PPEF2: variants seen among roughly 807,000 people sequenced by gnomAD.
PPEF2 encodes protein phosphatase with EF-hand domain 2.
PPEF2 carries 84 observed loss-of-function variants against 84.7 expected under a neutral mutation model. That is an observed-to-expected ratio of 0.99 (90% CI 0.83 to 1.19). The LOEUF is 1.19. PPEF2 is among the 50% of genes most tolerant of loss of function. The probability of loss-of-function intolerance (pLI) is 0.00; values close to 1 mark genes in which losing one functional copy is unlikely to be tolerated. For synonymous variants in PPEF2, 346 were observed against 345.2 expected, an observed-to-expected ratio of 1.00 and a Z score of -0.03; for missense variants, 924 against 937.5, an observed-to-expected ratio of 0.99 and a Z score of 0.19.
intron 10 of PPEF2, chr4:75,881,550 A>G (rs779052747): frequency 6.6e-6 from 1 of 152,264 alleles, no homozygotes; most frequent in East Asian, 1.9e-4. Context: ...AGTCTGGATG[A>G]CAGAGTGAGA....
At chr4:75,866,628 GTAAT>G (rs1452755248) in intron 14 of PPEF2, 4 of 426,140 alleles carry the variant, frequency 9.4e-6, no homozygotes, top group African/African-American at 6.0e-5. Context: ...CTGTTTGTCT[GTAAT>G]TCAAACTTAT....
intron 13 of PPEF2, among the ~76,000 whole-genome samples, chr4:75,870,274 G>A: frequency 6.6e-6 from 1 of 152,196 alleles, no homozygotes; most frequent in Non-Finnish European, 1.5e-5. Context: ...AGGGCTGGAT[G>A]AGGCTCAAAT....
intron 11 of PPEF2, among the ~76,000 whole-genome samples, chr4:75,873,585 T>C (rs945108662): frequency 6.6e-6 from 1 of 152,164 alleles, no homozygotes; most frequent in Non-Finnish European, 1.5e-5. Flanking sequence ...AAGCTCAATA[T>C]GTAAAACAGA....
At position 75,864,149 on chromosome 4, in the gene PPEF2, G is replaced by A. The variant is rs540107540; in HGVS notation, c.2008+291C>T. Reference sequence around the variant, plus strand: ...CAGCCTCCCAAAGTGCTGGGATTAAGGCAGGAGCCACCATGTCCAGAGGAT... The same window carrying A: ...CAGCCTCCCAAAGTGCTGGGATTAAAGCAGGAGCCACCATGTCCAGAGGAT... On this transcript the variant is annotated intron_variant, in intron 16 of 16. Transcript: ENST00000286719. Among the ~76,000 whole-genome samples, 7 of 152,186 alleles carry A rather than the reference G, an allele frequency of 4.6e-5. No individual in the cohort carries two copies. The East Asian group carries it at 7.7e-4, about 17-fold the overall frequency.
intron 13 of PPEF2, 29 bp from the exon 14 acceptor site, chr4:75,867,448 T>G (rs1560479798): frequency 2.1e-6 from 3 of 1,451,692 alleles, no homozygotes; most frequent in Non-Finnish European, 2.9e-6. Flanking sequence ...AGCGACATTT[T>G]AACACACTGG....
At chr4:75,891,590 A>C in intron 4 of PPEF2, 58 bp downstream of exon 4, 1 of 1,524,476 alleles carries the variant, frequency 6.6e-7, no homozygotes. Context: ...CCCCCACCTC[A>C]CCGTGTAATC....
chr4:75,888,408 A>AC (rs1421927949), intron 5 of PPEF2, 80 bp from the exon 6 acceptor site: 2 of 1,052,514 alleles, frequency 1.9e-6, no homozygotes, highest in African/African-American at 3.1e-5. Context: ...TTACTGCTTA[A>AC]CAACCCCCAT....
At chr4:75,895,024 A>G (rs1365721672) in intron 2 of PPEF2, among the ~76,000 whole-genome samples, 1 of 152,168 alleles carries the variant, frequency 6.6e-6, no homozygotes, top group Non-Finnish European at 1.5e-5. Flanking sequence ...GCATGATCAT[A>G]GCTCACTGTA....
chr4:75,885,692 C>T (rs1724701703), intron 7 of PPEF2, among the ~76,000 whole-genome samples: 1 of 152,012 alleles, frequency 6.6e-6, no homozygotes, highest in East Asian at 1.9e-4. Flanking sequence ...GGCCAAACCC[C>T]GTCTCTATAA....
At chr4:75,869,583 G>C (rs189180161) in intron 13 of PPEF2, among the ~76,000 whole-genome samples, 1 of 152,128 alleles carries the variant, frequency 6.6e-6, no homozygotes. Flanking sequence ...ATGGTGGCTC[G>C]CACCTGTAAT....
intron 1 of PPEF2, among the ~76,000 whole-genome samples, chr4:75,900,017 A>G (rs1025765406): frequency 6.6e-6 from 1 of 152,234 alleles, no homozygotes; most frequent in Admixed American, 6.5e-5. Context: ...TTCAAGGATC[A>G]TAAATGATAT....
At chr4:75,860,974 T>A in intron 16 of PPEF2, 54 bp from the exon 17 acceptor site, 1 of 1,581,536 alleles carries the variant, frequency 6.3e-7, no homozygotes, top group Non-Finnish European at 8.6e-7. Flanking sequence ...TTAATGTTCA[T>A]TTTCTCTGAC....
At position 75,867,379 on chromosome 4, in the gene PPEF2, C is replaced by T. The variant is rs763689395; in HGVS notation, c.1690G>A (p.Glu564Lys). Residue 564 changes from glutamate (E) to lysine (K), a missense_variant, in exon 14 of 17, where the codon GAG becomes AAG. By Grantham distance (56) the Glu-to-Lys change is moderately conservative. Transcript: ENST00000286719. ...VEESALRALREKLFAHSSDLL... is the reference protein window; with the variant it reads ...VEESALRALRKKLFAHSSDLL... ...TCTGAAGAATGAGCAAACAGCTTCT[C>T]CCTCAGAGCTCTCAGAGCCGACTCC... is the stretch of plus-strand genomic sequence containing the variant. 4 of 1,614,054 alleles carry T rather than the reference C, an allele frequency of 2.5e-6. No homozygotes were observed. Among genetic ancestry groups the T allele is most frequent in the Non-Finnish European group, 3.4e-6 (4 of 1,179,978 alleles).
rs539688489 is a variant in PPEF2, at chr4:75,874,667, A to G, written c.1321-1355T>C. The stretch of plus-strand genomic sequence containing the variant: ...TCATTCGATTTGTAAAGATCAAGAC[A>G]TTAACACTGAGTCAGTTTGCAAAAG... On this transcript the variant is annotated intron_variant, in intron 11 of 16. Transcript: ENST00000286719. Among the ~76,000 whole-genome samples, 237 of 152,342 alleles carry G rather than the reference A, an allele frequency of 1.6e-3. 2 individuals carry two copies. Among genetic ancestry groups the G allele is most frequent in the Non-Finnish European group, 2.6e-3 (174 of 68,034 alleles).
rs1348127046 is a variant in PPEF2 at position 75,883,087 on chromosome 4, G to C, written c.784-12C>G. ...TCCTTCCCGTGTACCTGGAAAAAAT[G>C]ATATAAACAAAATGTTATCAAATAA... On this transcript the variant is annotated splice_polypyrimidine_tract_variant and intron_variant, in intron 9 of 16. Coordinates refer to ENST00000286719, the MANE Select transcript of PPEF2 (RefSeq NM_006239.3). 2 of 1,613,796 alleles carry C rather than the reference G, an allele frequency of 1.2e-6. No individual in the cohort carries two copies. Among genetic ancestry groups the C allele is most frequent in the Non-Finnish European group, 1.7e-6 (2 of 1,179,808 alleles).
At chr4:75,886,077 T>C (rs1724713809) in intron 7 of PPEF2, among the ~76,000 whole-genome samples, 1 of 151,956 alleles carries the variant, frequency 6.6e-6, no homozygotes, top group Non-Finnish European at 1.5e-5. Flanking sequence ...GTTGTTGCCA[T>C]GGTAATCCTG....
At position 75,891,167 on chromosome 4, in the gene PPEF2, C is replaced by A. The variant is rs1043775411; in HGVS notation, c.241+481G>T. On this transcript the variant is annotated intron_variant, in intron 4 of 16. Transcript: ENST00000286719. Reference sequence around the variant, plus strand: ...CTGCACTCCAGCCTGGGTCACAGAACGAGACTCTGTCTCAAAAAAAAAAAA... The same window carrying A: ...CTGCACTCCAGCCTGGGTCACAGAAAGAGACTCTGTCTCAAAAAAAAAAAA... 4.7e-5 allele frequency among the ~76,000 whole-genome samples: 7 copies of A among 148,400 alleles called. No individual in the cohort carries two copies. In the East Asian group the frequency reaches 5.8e-4, roughly 12 times the overall value.
At position 75,890,021 on chromosome 4, in the gene PPEF2, C is replaced by T. The variant is rs745538577; in HGVS notation, c.353G>A (p.Arg118His). The T allele has an allele frequency of 1.1e-5, 17 of 1,613,946 alleles. No homozygotes were observed. Among genetic ancestry groups the T allele is most frequent in the Admixed American group, 5.0e-5 (3 of 59,978 alleles). Residue 118 changes from arginine to histidine, a missense_variant, in exon 5 of 17, where the codon CGC (arginine) becomes CAC (histidine). Coordinates refer to ENST00000286719, the MANE Select transcript of PPEF2 (RefSeq NM_006239.3). ...IEVPDSYTGP[R>H]LSFPLLPDHA... ...GTCAGGCAGGAGTGGGAAGGAGAGG[C>T]GTGGCCCCGTGTAACTGTCGGGTAC...
At chr4:75,883,336 C>T (rs1724627422) in intron 8 of PPEF2, 134 bp from the exon 9 acceptor site, 2 of 788,060 alleles carry the variant, frequency 2.5e-6, no homozygotes, top group Admixed American at 4.8e-5. Context: ...GGAATAATCA[C>T]CAAAATGTTT....
Sources: allele counts gnomAD v4.1 joint callset (sites outside exome capture counted in the v4.1 genomes callset), GRCh38; gene constraint gnomAD v4.1.1; transcripts MANE v1.5; gene names NCBI Gene and HGNC (gene_info 2026-07-23, HGNC 2026-07-21).